Variants in PDE1A observed in about 807,000 individuals in gnomAD.
The protein encoded by PDE1A is phosphodiesterase 1A, also known as dual specificity calcium/calmodulin-dependent 3',5'-cyclic nucleotide phosphodiesterase 1A.
PDE1A carries 35 observed loss-of-function variants against 61.7 expected under a neutral mutation model. The observed-to-expected ratio is 0.57, with a 90% CI of 0.43 to 0.75. The LOEUF (loss-of-function observed/expected upper bound fraction) is 0.75, where lower values mean the gene tolerates loss of function less well. Ranked by LOEUF, PDE1A falls within the 30% of genes least tolerant of loss-of-function variation. The pLI is 0.00. For missense variants in PDE1A, 597 were observed against 630.6 expected (o/e 0.95, Z 0.57); for synonymous variants, 232 against 213.2 (o/e 1.09, Z -0.77).
At chr2:182,445,900 A>C (rs1004382887) in intron 2 of PDE1A, among the ~76,000 whole-genome samples, 2 of 152,078 alleles carry the variant, frequency 1.3e-5, no homozygotes, top group Non-Finnish European at 2.9e-5. Context: ...AATATTGTCA[A>C]GGTACTTTGG....
the PDE1A span, among the ~76,000 whole-genome samples, chr2:182,645,228 T>C: frequency 0.61 from 92,271 of 151,948 alleles, 28,381 homozygotes; most frequent in Admixed American, 0.71. Flanking sequence ...CCTCGTGATC[T>C]GCCCGCCTCG....
intron 1 of PDE1A, chr2:182,522,396 T>C (rs1690624709): frequency 3.1e-6 from 5 of 1,612,830 alleles, no homozygotes; most frequent in Non-Finnish European, 4.2e-6. Context: ...CCTAAGACAA[T>C]ACAGTTACAG....
intron 1 of PDE1A, among the ~76,000 whole-genome samples, chr2:182,290,464 GT>G (rs905468887): frequency 1.3e-5 from 2 of 152,040 alleles, no homozygotes; most frequent in Non-Finnish European, 1.5e-5. Context: ...AAACACAAGG[GT>G]AGAACTAGTG....
chr2:182,595,185 G>T, the PDE1A span, among the ~76,000 whole-genome samples: 2 of 151,978 alleles, frequency 1.3e-5, no homozygotes, highest in African/African-American at 2.4e-5. Context: ...TTTAAGCAAG[G>T]CCTGAAGCTT....
chr2:182,283,290 G>T (rs1011946864), intron 1 of PDE1A, among the ~76,000 whole-genome samples: 1 of 151,808 alleles, frequency 6.6e-6, no homozygotes, highest in African/African-American at 2.4e-5. Context: ...GTAATGTTTT[G>T]ACCACCAAAT....
In PDE1A at chr2:182,507,304, C is replaced by T. The variant is rs189844635; in HGVS notation, c.101+14972G>A. Among the ~76,000 whole-genome samples, 39 of 152,208 alleles carry T rather than the reference C, an allele frequency of 2.6e-4. No homozygotes were observed. The East Asian group carries it at 3.1e-3, about 12-fold the overall frequency. On this transcript the variant is annotated intron_variant, in intron 2 of 14. Coordinates refer to the PDE1A transcript ENST00000410103. The stretch of plus-strand genomic sequence containing the variant: ...TAGCTTTTGTTGTGCAACAAAACAC[C>T]GACAACTTAGTGGACAACAATAATA...
At chr2:182,177,176 G>T (rs1250483018) in intron 13 of PDE1A, among the ~76,000 whole-genome samples, 3 of 151,714 alleles carry the variant, frequency 2.0e-5, no homozygotes, top group Non-Finnish European at 4.4e-5. Flanking sequence ...GCCTGGCTTT[G>T]GTATCAGAAT....
chr2:182,232,076 G>A (rs1689628915), intron 4 of PDE1A, among the ~76,000 whole-genome samples: 2 of 152,180 alleles, frequency 1.3e-5, no homozygotes, highest in Admixed American at 1.3e-4. Flanking sequence ...AGGGACAAGT[G>A]GTGAGGAAAA....
chr2:182,334,448 C>T (rs1232057530), intron 1 of PDE1A, among the ~76,000 whole-genome samples: 2 of 152,178 alleles, frequency 1.3e-5, no homozygotes, highest in East Asian at 3.8e-4. Context: ...GGCTTCAACC[C>T]TGGGATGCAA....
chr2:182,673,315 C>G, the PDE1A span, among the ~76,000 whole-genome samples: 3 of 152,086 alleles, frequency 2.0e-5, no homozygotes, highest in Non-Finnish European at 2.9e-5. Flanking sequence ...TAAAATTAAT[C>G]AAAATAAATG....
chr2:182,361,526 A>C (rs1448500813), intron 1 of PDE1A, among the ~76,000 whole-genome samples: 1 of 152,064 alleles, frequency 6.6e-6, no homozygotes. Context: ...AAATATTTAG[A>C]GGATAAGGAA....
chr2:182,217,967 A>C (rs1260549365), intron 7 of PDE1A, among the ~76,000 whole-genome samples: 2,615 of 149,776 alleles, frequency 0.017, 30 homozygotes, highest in Non-Finnish European at 0.025. Flanking sequence ...GACACATGCA[A>C]ACGTATGTTT....
At chr2:182,178,361 T>C (rs772767595) in intron 13 of PDE1A, among the ~76,000 whole-genome samples, 8 of 152,098 alleles carry the variant, frequency 5.3e-5, no homozygotes, top group Non-Finnish European at 8.8e-5. Flanking sequence ...GCCATTCAAA[T>C]TGGAGGAGGG....
chr2:182,681,952 T>TG, the PDE1A span, among the ~76,000 whole-genome samples: 1 of 152,320 alleles, frequency 6.6e-6, no homozygotes, highest in African/African-American at 2.4e-5. Context: ...GGCCTACTCT[T>TG]TCTCTTTGAT....
At chr2:182,591,890 T>C in the PDE1A span, among the ~76,000 whole-genome samples, 20 of 152,230 alleles carry the variant, frequency 1.3e-4, no homozygotes, top group Non-Finnish European at 2.8e-4. Flanking sequence ...AAGAATCATT[T>C]CTAACATTGC....
chr2:182,653,701 G>A, the PDE1A span, among the ~76,000 whole-genome samples: 9 of 152,298 alleles, frequency 5.9e-5, no homozygotes, highest in Admixed American at 1.3e-4. Flanking sequence ...ATCTCCTTGA[G>A]GGATGGGAAC....
chr2:182,389,421 C>A (rs549545828), intron 1 of PDE1A, among the ~76,000 whole-genome samples: 1 of 151,454 alleles, frequency 6.6e-6, no homozygotes, highest in East Asian at 1.9e-4. Flanking sequence ...TACAAATAAC[C>A]CAATTAAAAA....
intron 1 of PDE1A, among the ~76,000 whole-genome samples, chr2:182,303,268 C>T (rs886627879): frequency 2.0e-5 from 3 of 152,100 alleles, no homozygotes; most frequent in Admixed American, 1.3e-4. Context: ...GATAATAAGA[C>T]TTGAAAGTCA....
At chr2:182,210,112 A>G (rs1017967599) in intron 7 of PDE1A, among the ~76,000 whole-genome samples, 5 of 152,306 alleles carry the variant, frequency 3.3e-5, no homozygotes, top group Admixed American at 2.6e-4. Flanking sequence ...TATCTGTGCT[A>G]TAAGTTTTTG....
Sources: gnomAD v4.1 joint callset for allele counts (sites outside exome capture counted in the v4.1 genomes callset) on GRCh38, gnomAD v4.1.1 for gene constraint, MANE v1.5 for transcripts, NCBI Gene and HGNC (gene_info 2026-07-23, HGNC 2026-07-21) for gene names.